GNAI1: variants seen among roughly 807,000 people sequenced by gnomAD.
GNAI1 encodes G protein subunit alpha i1, also known as guanine nucleotide-binding protein G(i) subunit alpha-1.
A neutral mutation model predicts 38.9 loss-of-function variants in GNAI1; 11 were observed. The observed-to-expected ratio is 0.28, with a 90% CI of 0.18 to 0.47. The LOEUF (loss-of-function observed/expected upper bound fraction) is 0.47. Among genes scored for constraint, GNAI1 ranks in the 20% least tolerant of loss-of-function variants. GNAI1 has a pLI of 0.99. For synonymous variants in GNAI1, 166 were observed against 145.1 expected (o/e 1.14, Z -1.04); for missense variants, 317 against 436.9 (o/e 0.73, Z 2.45).
chr7:80,152,917 G>T (rs1787753533), intron 1 of GNAI1, among the ~76,000 whole-genome samples: 1 of 151,524 alleles, frequency 6.6e-6, no homozygotes, highest in Non-Finnish European at 1.5e-5. Context: ...ATGGCTAAAA[G>T]ATTTCAAATG....
chr7:80,135,294 T>A lies in GNAI1; in HGVS notation c.118+16T>A. The A allele has an allele frequency of 7.1e-7, 1 of 1,402,838 alleles. No individual in the cohort carries two copies. Among genetic ancestry groups the A allele is most frequent in the Middle Eastern group, 2.5e-4 (1 of 3,972 alleles). The allele number at this position is 1,402,838 out of a possible 1,614,324, so 86.9% of individuals were successfully genotyped here. ...CTGCTGCTCGGTAAGGGCGGCCGGG[T>A]CGGGGCCCGGGGGTCGGCGGGGGAC... On this transcript the variant is annotated intron_variant, in intron 1 of 7. Coordinates refer to ENST00000649796, the MANE Select transcript of GNAI1 (RefSeq NM_002069.6).
At chr7:80,137,068 G>C (rs1283827704) in intron 1 of GNAI1, among the ~76,000 whole-genome samples, 1 of 152,018 alleles carries the variant, frequency 6.6e-6, no homozygotes, top group Non-Finnish European at 1.5e-5. Context: ...CCCCTAACCT[G>C]TGAGCTCCAA....
At chr7:80,135,467 C>T (rs561227369) in intron 1 of GNAI1, 189 bp downstream of exon 1, 2 of 419,724 alleles carry the variant, frequency 4.8e-6, no homozygotes, top group East Asian at 3.6e-5. Flanking sequence ...TCTCTCCGCC[C>T]CGGCGGGCGA....
intron 1 of GNAI1, among the ~76,000 whole-genome samples, chr7:80,152,481 C>T (rs564398155): frequency 3.3e-5 from 5 of 150,226 alleles, no homozygotes; most frequent in East Asian, 2.0e-4. Context: ...TGAAATAGGT[C>T]GATGTTTTGT....
intron 1 of GNAI1, among the ~76,000 whole-genome samples, chr7:80,169,662 A>G (rs1788069391): frequency 6.6e-6 from 1 of 152,198 alleles, no homozygotes; most frequent in Non-Finnish European, 1.5e-5. Context: ...ACCAAATTTT[A>G]TTAACTTTTA....
chr7:80,207,209 T>C (rs973455449), intron 5 of GNAI1, among the ~76,000 whole-genome samples: 26 of 152,118 alleles, frequency 1.7e-4, no homozygotes, highest in African/African-American at 6.3e-4. Flanking sequence ...GTATACATAG[T>C]AATAAGTGGC....
At chr7:80,135,309 C>A (rs988090719) in intron 1 of GNAI1, 31 bp downstream of exon 1, 4 of 1,263,820 alleles carry the variant, frequency 3.2e-6, no homozygotes, top group Non-Finnish European at 4.2e-6. Context: ...GCCCGGGGGT[C>A]GGCGGGGGAC....
Position 80,222,578 on chromosome 7 carries a change from G to A in GNAI1, c.*5085G>A, listed in dbSNP as rs1234189951. ...AATCTTGTATTTTTAGTAGAGACGG[G>A]GTTTCTCCATGTCGGTCGGGCTGGT... On this transcript the variant is annotated 3_prime_UTR_variant, in exon 8 of 8. Coordinates refer to ENST00000649796, the MANE Select transcript of GNAI1 (RefSeq NM_002069.6). 1.3e-5 allele frequency among the ~76,000 whole-genome samples: 2 copies of A among 151,756 alleles called. No individual in the cohort carries two copies. The highest frequency in any genetic ancestry group is 2.9e-5 in the Non-Finnish European group (2 of 67,956).
chr7:80,191,737 G>C (rs1038492421), intron 3 of GNAI1, among the ~76,000 whole-genome samples: 3 of 152,128 alleles, frequency 2.0e-5, no homozygotes, highest in Admixed American at 2.0e-4. Flanking sequence ...TCTATTTCTG[G>C]AAGTATTAAC....
chr7:80,183,501 A>G (rs1018258620), intron 1 of GNAI1, among the ~76,000 whole-genome samples: 1 of 152,232 alleles, frequency 6.6e-6, no homozygotes, highest in Non-Finnish European at 1.5e-5. Flanking sequence ...GGACTTCAGC[A>G]TAAGATAACT....
At chr7:80,154,041 G>GC (rs1262959704) in intron 1 of GNAI1, among the ~76,000 whole-genome samples, 3 of 151,966 alleles carry the variant, frequency 2.0e-5, no homozygotes, top group Non-Finnish European at 4.4e-5. Context: ...TCTCACCTTA[G>GC]CCCCCCAAGT....
At chr7:80,195,848 A>T (rs556605651) in intron 3 of GNAI1, among the ~76,000 whole-genome samples, 26 of 151,890 alleles carry the variant, frequency 1.7e-4, no homozygotes, top group East Asian at 5.8e-4. Context: ...TGATTATTTT[A>T]AAAAAAATTC....
chr7:80,205,787 A>G (rs762269044), intron 5 of GNAI1, among the ~76,000 whole-genome samples: 3 of 152,144 alleles, frequency 2.0e-5, no homozygotes, highest in Non-Finnish European at 2.9e-5. Flanking sequence ...ATTTATCTGC[A>G]TTTGGTTTGC....
At chr7:80,163,093 C>T (rs989330625) in intron 1 of GNAI1, among the ~76,000 whole-genome samples, 2 of 152,130 alleles carry the variant, frequency 1.3e-5, no homozygotes, top group Non-Finnish European at 2.9e-5. Flanking sequence ...CCCTGGGTTT[C>T]ATCTGTCTAT....
chr7:80,196,141 A>G (rs995996879), intron 3 of GNAI1, among the ~76,000 whole-genome samples: 1 of 152,036 alleles, frequency 6.6e-6, no homozygotes, highest in African/African-American at 2.4e-5. Context: ...TCTTTGACAA[A>G]ATAGTGCTTC....
At chr7:80,216,199 A>G (rs559180406) in intron 7 of GNAI1, among the ~76,000 whole-genome samples, 1 of 152,244 alleles carries the variant, frequency 6.6e-6, no homozygotes, top group South Asian at 2.1e-4. Flanking sequence ...ACACACCCTC[A>G]GCATAAGTGC....
At chr7:80,184,889 A>G (rs1255206655) in intron 1 of GNAI1, among the ~76,000 whole-genome samples, 1 of 152,048 alleles carries the variant, frequency 6.6e-6, no homozygotes, top group African/African-American at 2.4e-5. Context: ...CTTCCCTCTA[A>G]ACTCTCATTC....
intron 1 of GNAI1, among the ~76,000 whole-genome samples, chr7:80,137,312 CT>C (rs1787435883): frequency 9.0e-5 from 6 of 66,960 alleles, no homozygotes; most frequent in Admixed American, 1.8e-4. Context: ...TTTTTCTTTT[CT>C]TTTCTTTTTT....
intron 1 of GNAI1, among the ~76,000 whole-genome samples, chr7:80,164,546 C>G (rs771795473): frequency 4.3e-4 from 65 of 151,450 alleles, no homozygotes; most frequent in Non-Finnish European, 8.3e-4. Flanking sequence ...GTATTTTTAG[C>G]AGAGACGGGG....
Sources: gnomAD v4.1 joint callset for allele counts (sites outside exome capture counted in the v4.1 genomes callset) on GRCh38, gnomAD v4.1.1 for gene constraint, MANE v1.5 for transcripts, NCBI Gene and HGNC (gene_info 2026-07-23, HGNC 2026-07-21) for gene names.